CDC45: variants seen among roughly 807,000 people sequenced by gnomAD.
CDC45 encodes cell division cycle 45.
CDC45 carries 54 observed loss-of-function variants against 77.8 expected under a neutral mutation model. That is an observed-to-expected ratio of 0.69 (90% CI 0.56 to 0.87). CDC45 has a LOEUF of 0.87. Among genes scored for constraint, CDC45 ranks in the 40% least tolerant of loss-of-function variants. The probability of loss-of-function intolerance (pLI) is 0.00; values close to 1 mark genes in which losing one functional copy is unlikely to be tolerated. For synonymous variants in CDC45, 260 were observed against 272.1 expected (o/e 0.96, Z 0.44); for missense variants, 649 against 721.6 (o/e 0.90, Z 1.15).
chr22:19,498,752 G>T (rs927284294), intron 8 of CDC45, among the ~76,000 whole-genome samples: 9 of 152,210 alleles, frequency 5.9e-5, no homozygotes, highest in African/African-American at 2.2e-4. Flanking sequence ...ACTCCACTCC[G>T]AGTGTTGGGG....
intron 4 of CDC45, 77 bp from the exon 5 acceptor site, chr22:19,483,780 TGATAA>T: frequency 7.6e-7 from 1 of 1,318,170 alleles, no homozygotes; most frequent in Non-Finnish European, 1.1e-6. Context: ...TATTAGGAAA[TGATAA>T]GATTCTGCAG....
chr22:19,507,571 A>T (rs1933268671), intron 11 of CDC45, 54 bp downstream of exon 11: 1 of 1,607,022 alleles, frequency 6.2e-7, no homozygotes, highest in African/African-American at 1.3e-5. Flanking sequence ...CCCAAGGGAA[A>T]AGCCCCTCTG....
At chr22:19,487,345 G>A (rs1467523228) in intron 5 of CDC45, among the ~76,000 whole-genome samples, 1 of 143,564 alleles carries the variant, frequency 7.0e-6, no homozygotes, top group Non-Finnish European at 1.5e-5. Context: ...AACATAGCAA[G>A]ACACTGTCTC....
chr22:19,481,198 CT>C (rs1384603023), intron 3 of CDC45, among the ~76,000 whole-genome samples, 153 bp downstream of exon 3: 22 of 152,144 alleles, frequency 1.4e-4, no homozygotes, highest in Non-Finnish European at 2.5e-4. Flanking sequence ...TTACTGGTGA[CT>C]TACCACGCCC....
chr22:19,484,015 G>A lies in CDC45; in HGVS notation c.486+10G>A. 6.3e-7 allele frequency: 1 copy of A among 1,589,856 alleles called. No individual in the cohort carries two copies. The highest frequency in any genetic ancestry group is 2.3e-5 in the East Asian group (1 of 44,300). On this transcript the variant is annotated intron_variant, in intron 5 of 18. Transcript: ENST00000263201. ...CACACGGTTAGAAGAGGTGAGTTTG[G>A]GTCTCTCACAGCTATCCCAGAGGAA...
chr22:19,512,626 CAA>C (rs769966982), intron 13 of CDC45, among the ~76,000 whole-genome samples: 1 of 152,190 alleles, frequency 6.6e-6, no homozygotes, highest in South Asian at 2.1e-4. Flanking sequence ...CCTGCTATGA[CAA>C]AGGAGCATTT....
chr22:19,495,569 A>G (rs1473923902), intron 6 of CDC45, among the ~76,000 whole-genome samples: 1 of 152,264 alleles, frequency 6.6e-6, no homozygotes, highest in Non-Finnish European at 1.5e-5. Flanking sequence ...TATAATCCCA[A>G]TACTTTGGGA....
chr22:19,505,954 G>A (rs929346320), intron 10 of CDC45, among the ~76,000 whole-genome samples: 11 of 152,164 alleles, frequency 7.2e-5, no homozygotes, highest in African/African-American at 2.4e-4. Flanking sequence ...GACTGGCTGG[G>A]GTCAGGTGTC....
intron 5 of CDC45, among the ~76,000 whole-genome samples, chr22:19,487,185 G>C (rs1367079321): frequency 1.3e-5 from 2 of 151,634 alleles, no homozygotes. Flanking sequence ...CCAGCTACTC[G>C]AGAGGCTGAG....
At chr22:19,499,483 T>G (rs2090302448) in intron 9 of CDC45, among the ~76,000 whole-genome samples, 1 of 149,522 alleles carries the variant, frequency 6.7e-6, no homozygotes, top group African/African-American at 2.5e-5. Context: ...GGTGGGGGGA[T>G]GGGGGAAGAC....
intron 3 of CDC45, among the ~76,000 whole-genome samples, 185 bp downstream of exon 3, chr22:19,481,230 A>G (rs1225894328): frequency 6.6e-6 from 1 of 152,168 alleles, no homozygotes; most frequent in South Asian, 2.1e-4. Context: ...AGCAAAATTG[A>G]CAGCAAAAAA....
chr22:19,494,594 G>A lies in CDC45; in HGVS notation c.542+212G>A, dbSNP rs1568920913. On this transcript the variant is annotated intron_variant, in intron 6 of 18. Transcript: ENST00000263201. Reference sequence around the variant, plus strand: ...CCATGAGTGACAGGACAGCCCCAAGGTCTCCCAGGTACATGCCATCCATTA... The same window carrying A: ...CCATGAGTGACAGGACAGCCCCAAGATCTCCCAGGTACATGCCATCCATTA... The A allele has an allele frequency of 5.8e-6, 9 of 1,544,544 alleles. No individual in the cohort carries two copies. In the South Asian group the frequency reaches 9.5e-5, roughly 16 times the overall value.
rs754860216 is a variant in CDC45, at chr22:19,497,392, A to T, written c.598A>T (p.Met200Leu). The T allele has an allele frequency of 6.2e-7, 1 of 1,614,092 alleles. No individual in the cohort carries two copies. Among genetic ancestry groups the T allele is most frequent in the Admixed American group, 1.7e-5 (1 of 60,028 alleles). Reference sequence around the variant, plus strand: ...CTTCTCTGCTTCCTTACAGTCAGCCATGGTGATGTTTGAGCTGGCTTGGAT... The same window carrying T: ...CTTCTCTGCTTCCTTACAGTCAGCCTTGGTGATGTTTGAGCTGGCTTGGAT... ...QYEYHGTSSA[M>L]VMFELAWMLS... is the part of the protein sequence containing the mutation. The change falls in exon 8 of 19, where the codon ATG becomes TTG. Residue 200 changes from methionine (M) to leucine (L), a missense_variant. Physicochemically the swap from Met to Leu is conservative, Grantham distance 15 (BLOSUM62 2). Transcript: ENST00000263201.
At chr22:19,505,935 G>GGGCTGGGGGACT (rs1263698895) in intron 10 of CDC45, among the ~76,000 whole-genome samples, 2 of 152,172 alleles carry the variant, frequency 1.3e-5, no homozygotes, top group Non-Finnish European at 2.9e-5. Flanking sequence ...AGCACAGGAG[G>GGGCTGGGGGACT]GGCTGGGGGA....
chr22:19,516,475 G>T, intron 15 of CDC45, 52 bp from the exon 16 acceptor site: 1 of 1,453,458 alleles, frequency 6.9e-7, no homozygotes, highest in Non-Finnish European at 9.7e-7. Flanking sequence ...GGCTCTGAGT[G>T]TTGAGCTGGG....
At chr22:19,479,820 A>G (rs2089942799), upstream of CDC45, 1 of 798,680 alleles carries the variant, frequency 1.3e-6, no homozygotes, top group South Asian at 1.5e-5. Context: ...AATGTGGCCC[A>G]ATCAGAAAGA....
chr22:19,485,832 C>T (rs917462463), intron 5 of CDC45, among the ~76,000 whole-genome samples: 1 of 152,118 alleles, frequency 6.6e-6, no homozygotes, highest in Admixed American at 6.5e-5. Flanking sequence ...GTCTCAGCTA[C>T]TTGGGAGGCC....
Position 19,479,966 on chromosome 22 carries a change from GCTA to G in CDC45, c.-2_1del. 1 of 1,613,416 alleles carries G rather than the reference GCTA, an allele frequency of 6.2e-7. No individual in the cohort carries two copies. ...GAGCGCCAGGCGTCCGGCCGCCGTG[GCTA>G]TGTTCGTGTCCGATTTCCGCAAAGA... On this transcript the variant is annotated start_lost and 5_prime_UTR_variant, in exon 1 of 19. Coordinates refer to ENST00000263201, the MANE Select transcript of CDC45 (RefSeq NM_003504.5).
intron 3 of CDC45, among the ~76,000 whole-genome samples, chr22:19,482,372 G>GT (rs2089996381): frequency 1.3e-5 from 2 of 152,256 alleles, no homozygotes; most frequent in Non-Finnish European, 2.9e-5. Flanking sequence ...GTACTGTGAG[G>GT]TCTGGAGAGA....
Sources: allele counts gnomAD v4.1 joint callset (sites outside exome capture counted in the v4.1 genomes callset), GRCh38; gene constraint gnomAD v4.1.1; transcripts MANE v1.5; gene names NCBI Gene and HGNC (gene_info 2026-07-23, HGNC 2026-07-21).